The following VPS4B variants were observed in gnomAD, a reference collection of about 807,000 sequenced individuals.
The protein encoded by VPS4B is vacuolar protein sorting 4 homolog B.
Under a neutral mutation model 56.1 loss-of-function variants are expected in VPS4B, and 23 were observed. The ratio of observed to expected loss-of-function variants is 0.41; its 90% CI spans 0.30 to 0.58. The LOEUF (loss-of-function observed/expected upper bound fraction) is 0.58. VPS4B is among the 20% of genes least tolerant of loss of function. VPS4B has a pLI of 0.29. For synonymous variants in VPS4B, 177 were observed against 186.0 expected, an observed-to-expected ratio of 0.95 and a Z score of 0.39; for missense variants, 372 against 531.9, an observed-to-expected ratio of 0.70 and a Z score of 2.96.
At chr18:63,417,095 G>GA (rs35098687) in intron 1 of VPS4B, among the ~76,000 whole-genome samples, 5,607 of 149,596 alleles carry the variant, frequency 0.037, 115 homozygotes, top group African/African-American at 0.048. Context: ...TTTAACGAAT[G>GA]AAAAAAAAAA....
At position 63,399,138 on chromosome 18, in the gene VPS4B, C is replaced by T. The variant is rs971059905; in HGVS notation, c.872+104G>A. On this transcript the variant is annotated intron_variant, in intron 8 of 10. Coordinates refer to ENST00000238497, the MANE Select transcript of VPS4B (RefSeq NM_004869.4). ...AACAGGGTTAGAGCACATTACAAATCTTTTGAAAAGTTGTTAGAATGCTTC... is the reference window on the plus strand; with the variant it reads ...AACAGGGTTAGAGCACATTACAAATTTTTTGAAAAGTTGTTAGAATGCTTC... The T allele has an allele frequency of 4.7e-6, 5 of 1,064,454 alleles. No homozygotes were observed. The African/African-American group carries it at 6.3e-5, about 14-fold the overall frequency. The allele number at this position is 1,064,454 out of a possible 1,614,324, so 65.9% of individuals were successfully genotyped here. A position where few individuals can be genotyped will look rare whatever the true frequency, so the allele number is the denominator to read the frequency against.
At position 63,418,800 on chromosome 18, in the gene VPS4B, T is replaced by C. The variant is rs183891457; in HGVS notation, c.27+3433A>G. 6.1e-3 allele frequency among the ~76,000 whole-genome samples: 927 copies of C among 152,322 alleles called. 9 individuals are homozygous for C. Among genetic ancestry groups the C allele is most frequent in the African/African-American group, 0.021 (858 of 41,550 alleles). ...TTCTAACGTGGTCTTTGTTTTGCCT[T>C]ATTCTGTAAACTCTCCAGGATGTGA... On this transcript the variant is annotated intron_variant, in intron 1 of 10. Transcript: ENST00000238497.
At chr18:63,417,793 CTGAA>C (rs1208289825) in intron 1 of VPS4B, among the ~76,000 whole-genome samples, 2 of 152,158 alleles carry the variant, frequency 1.3e-5, no homozygotes, top group African/African-American at 2.4e-5. Context: ...TGACACAAGA[CTGAA>C]TGACTGTGTC....
chr18:63,401,003 C>T (rs1206612415), intron 5 of VPS4B, among the ~76,000 whole-genome samples: 1 of 152,202 alleles, frequency 6.6e-6, no homozygotes, highest in Non-Finnish European at 1.5e-5. Flanking sequence ...TTCTGCCCTG[C>T]GTGGAGTCTA....
chr18:63,411,373 G>T (rs1916038875), intron 2 of VPS4B, 94 bp downstream of exon 2: 5 of 867,182 alleles, frequency 5.8e-6, no homozygotes, highest in South Asian at 3.8e-5. Flanking sequence ...GGATCGTTTA[G>T]AATTGTCTGG....
At position 63,422,168 on chromosome 18, in the gene VPS4B, C is replaced by A. The variant is rs1461026967; in HGVS notation, c.27+65G>T. The A allele has an allele frequency of 4.9e-6, 7 of 1,423,322 alleles. No homozygotes were observed. In the African/African-American group the frequency reaches 6.0e-5, roughly 12 times the overall value. The allele number at this position is 1,423,322 out of a possible 1,614,324, so 88.2% of individuals were successfully genotyped here. ...CGCTTCCTCCCTTCTCCCCGCCCCC[C>A]ACCCGCTTCTCGCGCCTCCCCTCGA... On this transcript the variant is annotated intron_variant, in intron 1 of 10. Coordinates refer to ENST00000238497, the MANE Select transcript of VPS4B (RefSeq NM_004869.4).
chr18:63,413,334 T>C (rs1207133873), intron 1 of VPS4B, among the ~76,000 whole-genome samples: 1 of 151,992 alleles, frequency 6.6e-6, no homozygotes, highest in East Asian at 1.9e-4. Context: ...AGCTCAGGAG[T>C]TTGCGACCAG....
chr18:63,403,744 A>G lies in VPS4B; in HGVS notation c.447T>C (p.Ala149=). The change falls in exon 5 of 11, where the codon GCT becomes GCC. Residue 149 remains alanine (A), a synonymous_variant. Transcript: ENST00000238497. ...GAGGAAATTTAATAGGCAGTATCAC[A>G]GCCTCTTTCAGTGCTTCTTTGGCTC... ...LEGAKEALKE[A]VILPIKFPHL... The G allele has an allele frequency of 6.2e-7, 1 of 1,613,172 alleles. No individual in the cohort carries two copies. Among genetic ancestry groups the G allele is most frequent in the Non-Finnish European group, 8.5e-7 (1 of 1,179,398 alleles).
intron 9 of VPS4B, among the ~76,000 whole-genome samples, chr18:63,395,939 T>C (rs1391453124): frequency 2.0e-5 from 3 of 152,242 alleles, no homozygotes; most frequent in South Asian, 2.1e-4. Flanking sequence ...TGTTAGCACC[T>C]ACGTCCAAGA....
At chr18:63,401,800 G>A (rs1335850574) in intron 5 of VPS4B, among the ~76,000 whole-genome samples, 1 of 152,060 alleles carries the variant, frequency 6.6e-6, no homozygotes, top group Non-Finnish European at 1.5e-5. Flanking sequence ...CGGGACAACT[G>A]TGGCCAACAT....
Position 63,400,645 on chromosome 18 carries a change from G to C in VPS4B, c.543C>G (p.Ser181=), listed in dbSNP as rs1915789200. ...LLFGPPGTGK[S]YLAKAVATEA... is the part of the protein sequence containing the mutation. ...CTGTTGCTACAGCTTTGGCTAAGTA[G>C]GACTTTCCTGTTCCAGGCGGCCCAA... Residue 181 remains serine (S), a synonymous_variant, in exon 6 of 11, where the codon TCC becomes TCG. Transcript: ENST00000238497. The C allele has an allele frequency of 2.5e-6, 4 of 1,609,848 alleles. No individual in the cohort carries two copies. The highest frequency in any genetic ancestry group is 2.5e-6 in the Non-Finnish European group (3 of 1,179,040).
intron 1 of VPS4B, among the ~76,000 whole-genome samples, chr18:63,417,923 G>A (rs998451011): frequency 1.3e-5 from 2 of 152,138 alleles, no homozygotes; most frequent in South Asian, 4.1e-4. Flanking sequence ...AAAACCCTGA[G>A]AAATGGGGTA....
chr18:63,403,641 C>T (rs1451840081), intron 5 of VPS4B, 66 bp downstream of exon 5: 1 of 1,468,390 alleles, frequency 6.8e-7, no homozygotes, highest in East Asian at 2.3e-5. Flanking sequence ...AATGACAATG[C>T]TTCACCTCAG....
chr18:63,392,782 G>A (rs995110367), intron 10 of VPS4B, among the ~76,000 whole-genome samples: 6 of 147,066 alleles, frequency 4.1e-5, no homozygotes, highest in Non-Finnish European at 5.9e-5. Context: ...ACAGAGTCTC[G>A]CTCTGTTGCC....
At chr18:63,404,262 G>A (rs953875940) in intron 4 of VPS4B, among the ~76,000 whole-genome samples, 1 of 152,010 alleles carries the variant, frequency 6.6e-6, no homozygotes, top group Non-Finnish European at 1.5e-5. Context: ...AAAAGAAAAG[G>A]TGATCTAATC....
intron 1 of VPS4B, among the ~76,000 whole-genome samples, chr18:63,413,972 T>C (rs1916105876): frequency 6.6e-6 from 1 of 152,190 alleles, no homozygotes. Context: ...TTTCAAGTTT[T>C]ATCAGCTAGT....
In VPS4B at chr18:63,394,383, T is replaced by C. The variant is rs1298082449; in HGVS notation, c.1093-834A>G. Among the ~76,000 whole-genome samples the C allele has an allele frequency of 2.0e-5, 3 of 152,178 alleles. No individual in the cohort carries two copies. The East Asian group carries it at 5.8e-4, about 29-fold the overall frequency. ...TCATGTACAACTTATTTATAAGTTT[T>C]AACAATATCCAGAAAAAGAATCTTT... On this transcript the variant is annotated intron_variant, in intron 9 of 10. Transcript: ENST00000238497.
At chr18:63,393,157 T>A (rs574555209) in intron 10 of VPS4B, among the ~76,000 whole-genome samples, 1 of 152,238 alleles carries the variant, frequency 6.6e-6, no homozygotes, top group Middle Eastern at 3.2e-3. Flanking sequence ...CTATAAGACC[T>A]GTAAAGTCAG....
Position 63,390,992 on chromosome 18 carries a change from A to G in VPS4B, c.1318T>C (p.Phe440Leu). Residue 440 changes from phenylalanine to leucine, a missense_variant, in exon 11 of 11, where the codon TTT becomes CTT. Coordinates refer to ENST00000238497, the MANE Select transcript of VPS4B (RefSeq NM_004869.4). Reference protein sequence around the residue: ...LLKLKKFTEDFGQEG With the variant: ...LLKLKKFTEDLGQEG ...TCTTTGGCTTAGCCTTCTTGACCAA[A>G]ATCTTCTGTAAACTTCTTTAATTTC... 1 of 1,612,630 alleles carries G rather than the reference A, an allele frequency of 6.2e-7. No individual in the cohort carries two copies. The highest frequency in any genetic ancestry group is 8.5e-7 in the Non-Finnish European group (1 of 1,179,002).
Sources: allele counts gnomAD v4.1 joint callset (sites outside exome capture counted in the v4.1 genomes callset), GRCh38; gene constraint gnomAD v4.1.1; transcripts MANE v1.5; gene names NCBI Gene and HGNC (gene_info 2026-07-23, HGNC 2026-07-21).